KLF12: variants seen among roughly 807,000 people sequenced by gnomAD.
KLF12 encodes Krueppel-like factor 12.
Under a neutral mutation model 37.8 loss-of-function variants are expected in KLF12, and 9 were observed. The observed-to-expected ratio is 0.24, with a 90% CI of 0.14 to 0.42. KLF12 has a LOEUF of 0.42. Ranked by LOEUF, KLF12 falls within the 10% of genes least tolerant of loss-of-function variation. The pLI is 1.00. For missense variants in KLF12, 411 were observed against 516.0 expected (o/e 0.80, Z 1.97); for synonymous variants, 208 against 202.1 (o/e 1.03, Z -0.25).
chr13:73,854,402 A>G (rs1885497212), intron 3 of KLF12, among the ~76,000 whole-genome samples: 1 of 152,226 alleles, frequency 6.6e-6, no homozygotes, highest in Admixed American at 6.5e-5. Context: ...GTTATTTCTT[A>G]CAACAGTATC....
chr13:73,814,825 C>T (rs1883130047), intron 4 of KLF12, among the ~76,000 whole-genome samples: 1 of 151,970 alleles, frequency 6.6e-6, no homozygotes, highest in Non-Finnish European at 1.5e-5. Flanking sequence ...GACATTCCAC[C>T]ATGCACAGGA....
chr13:73,846,779 G>A (rs9530251), intron 3 of KLF12, among the ~76,000 whole-genome samples: 50,108 of 151,906 alleles, frequency 0.33, 9,474 homozygotes, highest in Non-Finnish European at 0.43. Context: ...CATACTTGTT[G>A]CAAGAGTTAC....
At chr13:73,958,575 T>C (rs1156308378) in intron 2 of KLF12, among the ~76,000 whole-genome samples, 1 of 152,130 alleles carries the variant, frequency 6.6e-6, no homozygotes, top group Non-Finnish European at 1.5e-5. Flanking sequence ...AAATGTCTAC[T>C]AGAAAACAAA....
intron 3 of KLF12, among the ~76,000 whole-genome samples, chr13:73,926,800 A>C (rs777496400): frequency 2.0e-5 from 3 of 152,192 alleles, no homozygotes; most frequent in Non-Finnish European, 2.9e-5. Context: ...GTGTCTCTGC[A>C]GATCAGGGTA....
the KLF12 span, among the ~76,000 whole-genome samples, chr13:74,150,350 C>T: frequency 6.4e-4 from 97 of 152,272 alleles, no homozygotes; most frequent in East Asian, 0.011. Context: ...TCCAAGACCC[C>T]CAGTGGGTCC....
chr13:73,738,122 T>C (rs145996947), intron 6 of KLF12, among the ~76,000 whole-genome samples: 8,117 of 63,592 alleles, frequency 0.13, 306 homozygotes, highest in South Asian at 0.2. Context: ...TATATATATA[T>C]ATACACACAC....
At chr13:74,020,238 A>C (rs1359826973) in intron 1 of KLF12, among the ~76,000 whole-genome samples, 3 of 152,182 alleles carry the variant, frequency 2.0e-5, no homozygotes, top group Admixed American at 2.0e-4. Flanking sequence ...CATATAACCA[A>C]AGCATCTTAG....
intron 6 of KLF12, among the ~76,000 whole-genome samples, chr13:73,764,592 T>C (rs1466410167): frequency 6.6e-6 from 1 of 152,026 alleles, no homozygotes; most frequent in East Asian, 1.9e-4. Context: ...GAAATCTTCA[T>C]GAGGAGTTGA....
chr13:73,732,942 A>G (rs1304368723), intron 6 of KLF12, among the ~76,000 whole-genome samples: 1 of 152,044 alleles, frequency 6.6e-6, no homozygotes, highest in Non-Finnish European at 1.5e-5. Context: ...CAGAACAAAA[A>G]CAGGGGTCCC....
chr13:73,853,103 G>A (rs556357155), intron 3 of KLF12, among the ~76,000 whole-genome samples: 4 of 152,078 alleles, frequency 2.6e-5, no homozygotes, highest in South Asian at 2.1e-4. Flanking sequence ...TCCTGACCTC[G>A]TGATCCGCCT....
chr13:73,715,958 T>C (rs1434319645), intron 6 of KLF12, among the ~76,000 whole-genome samples: 2 of 152,216 alleles, frequency 1.3e-5, no homozygotes, highest in African/African-American at 4.8e-5. Flanking sequence ...GGGTCTGCAC[T>C]GCATGTGACA....
chr13:73,864,455 C>G (rs976682473), intron 3 of KLF12, among the ~76,000 whole-genome samples: 12 of 151,942 alleles, frequency 7.9e-5, no homozygotes, highest in African/African-American at 2.9e-4. Flanking sequence ...AAACACTGGT[C>G]TATATCTATT....
intron 3 of KLF12, among the ~76,000 whole-genome samples, chr13:73,895,825 T>A (rs879496723): frequency 6.1e-5 from 2 of 32,820 alleles, no homozygotes; most frequent in Non-Finnish European, 1.3e-4. Flanking sequence ...TGGAATTCTT[T>A]TTTTTTTTTT....
chr13:74,147,743 C>T, the KLF12 span, among the ~76,000 whole-genome samples: 3 of 152,022 alleles, frequency 2.0e-5, no homozygotes, highest in Non-Finnish European at 4.4e-5. Flanking sequence ...AGTGATTTTG[C>T]ACACATACTT....
At chr13:74,113,714 T>C (rs748016472) in intron 1 of KLF12, among the ~76,000 whole-genome samples, 5 of 152,224 alleles carry the variant, frequency 3.3e-5, no homozygotes, top group Non-Finnish European at 7.3e-5. Context: ...CACAACATCC[T>C]TTCTGCAGCC....
At chr13:73,712,338 CAA>C (rs752694466) in intron 7 of KLF12, among the ~76,000 whole-genome samples, 24 of 42,042 alleles carry the variant, frequency 5.7e-4, no homozygotes, top group African/African-American at 1.2e-3. Flanking sequence ...AACTCCATGT[CAA>C]AAAAAAAAAA....
intron 6 of KLF12, among the ~76,000 whole-genome samples, chr13:73,723,161 T>C (rs1378509413): frequency 1.3e-5 from 2 of 152,184 alleles, no homozygotes; most frequent in Non-Finnish European, 2.9e-5. Context: ...TATCAAACTT[T>C]TATGATGAAA....
At chr13:74,013,955 C>T (rs1444381795) in intron 1 of KLF12, among the ~76,000 whole-genome samples, 1 of 151,936 alleles carries the variant, frequency 6.6e-6, no homozygotes, top group Non-Finnish European at 1.5e-5. Context: ...GTTGGGACTA[C>T]AAGCATGTGT....
chr13:74,288,615 G>A, the KLF12 span, among the ~76,000 whole-genome samples: 5 of 152,178 alleles, frequency 3.3e-5, no homozygotes, highest in African/African-American at 1.2e-4. Flanking sequence ...GGAAGGGCTA[G>A]GATTAGGCAG....
Sources: allele counts gnomAD v4.1 joint callset (sites outside exome capture counted in the v4.1 genomes callset), GRCh38; gene constraint gnomAD v4.1.1; transcripts MANE v1.5; gene names NCBI Gene and HGNC (gene_info 2026-07-23, HGNC 2026-07-21).